CENPE: variants seen among roughly 807,000 people sequenced by gnomAD.
CENPE encodes the protein centromere protein E.
In CENPE, 145 loss-of-function variants were observed where a neutral mutation model predicts 336.1. The ratio of observed to expected loss-of-function variants is 0.43; its 90% CI spans 0.38 to 0.50. The LOEUF is 0.50. Among genes scored for constraint, CENPE ranks in the 20% least tolerant of loss-of-function variants. The pLI is 0.00. For synonymous variants in CENPE, 1,013 were observed against 984.8 expected (o/e 1.03, Z -0.54); for missense variants, 2,719 against 3,023.3 (o/e 0.90, Z 2.36).
intron 16 of CENPE, among the ~76,000 whole-genome samples, chr4:103,165,975 AGTGTGATACAT>A: frequency 6.6e-6 from 1 of 152,058 alleles, no homozygotes; most frequent in South Asian, 2.1e-4. Context: ...GAAAAACTGC[AGTGTGATACAT>A]GTCATATATT....
rs763618416 is a variant in CENPE, at chr4:103,143,202, TTTG to T, written c.5304+43_5304+45del. The T allele has an allele frequency of 6.4e-6, 9 of 1,398,360 alleles. No individual in the cohort carries two copies. In the African/African-American group the frequency reaches 1.3e-4, roughly 20 times the overall value. The allele number at this position is 1,398,360 out of a possible 1,614,324, so 86.6% of individuals were successfully genotyped here. A position where few individuals can be genotyped will look rare whatever the true frequency, so the allele number is the denominator to read the frequency against. On this transcript the variant is annotated intron_variant, in intron 34 of 48. Transcript: ENST00000265148. ...ATATCTTGTTTCATTACACAAAAAGTTTGATTCAAACTCTCAGTAACTGAGATA... is the reference window on the plus strand; with the variant it reads ...ATATCTTGTTTCATTACACAAAAAGTATTCAAACTCTCAGTAACTGAGATA...
At chr4:103,185,182 G>C (rs1335638772) in intron 9 of CENPE, among the ~76,000 whole-genome samples, 1 of 151,884 alleles carries the variant, frequency 6.6e-6, no homozygotes, top group Non-Finnish European at 1.5e-5. Context: ...GTGCATGTCT[G>C]TAATCCCAGC....
chr4:103,121,209 T>C (rs1023852248), intron 43 of CENPE, among the ~76,000 whole-genome samples: 1 of 152,220 alleles, frequency 6.6e-6, no homozygotes, highest in African/African-American at 2.4e-5. Context: ...TACATGAATA[T>C]ATAGTTTCTA....
intron 32 of CENPE, 29 bp from the exon 33 acceptor site, chr4:103,144,647 A>G (rs1460199124): frequency 6.7e-7 from 1 of 1,492,956 alleles, no homozygotes; most frequent in Non-Finnish European, 9.1e-7. Context: ...AAGTTACAAC[A>G]TAGGCAGAAT....
intron 39 of CENPE, 37 bp from the exon 40 acceptor site, chr4:103,136,396 T>A: frequency 7.2e-7 from 1 of 1,394,072 alleles, no homozygotes; most frequent in Non-Finnish European, 1.0e-6. Context: ...TTATAACAAT[T>A]CATTCTAATA....
intron 4 of CENPE, 120 bp from the exon 5 acceptor site, chr4:103,195,353 G>T: frequency 1.4e-6 from 1 of 703,970 alleles, no homozygotes; most frequent in Non-Finnish European, 2.2e-6. Context: ...AAACCCCTTG[G>T]TTCTACTGTT....
chr4:103,177,898 C>T (rs1267688917), intron 13 of CENPE, among the ~76,000 whole-genome samples: 1 of 151,978 alleles, frequency 6.6e-6, no homozygotes, highest in Non-Finnish European at 1.5e-5. Context: ...CACACCTGGA[C>T]CTTGTCATTA....
chr4:103,123,887 C>G (rs775159862), intron 42 of CENPE, among the ~76,000 whole-genome samples: 1 of 152,148 alleles, frequency 6.6e-6, no homozygotes, highest in African/African-American at 2.4e-5. Flanking sequence ...AAGACTATAT[C>G]AAAATGTCTA....
intron 12 of CENPE, among the ~76,000 whole-genome samples, 168 bp from the exon 13 acceptor site, chr4:103,180,637 T>C (rs1756252561): frequency 6.6e-6 from 1 of 152,226 alleles, no homozygotes; most frequent in Admixed American, 6.5e-5. Flanking sequence ...GCAGTTACCA[T>C]AATCAATAAT....
rs759730017 is a variant in CENPE, at chr4:103,139,952, T to C, written c.6041A>G (p.Gln2014Arg). The change falls in exon 38 of 49, where the codon CAA (glutamine) becomes CGA (arginine). Residue 2014 changes from glutamine (Q) to arginine (R), a missense_variant. Around this residue, in one of 5 missense-constraint regions of CENPE, gnomAD observed 2,437 missense variants for 2,513.3 expected, o/e 0.97. Coordinates refer to ENST00000265148, the MANE Select transcript of CENPE (RefSeq NM_001813.3). ...CTGGAAGTTATCCATTCTCACACTT[T>C]GCATAGATAAGTTTTGGGCCTCAAA... ...KQFEAQNLSM[Q>R]SVRMDNFQLT... is the part of the protein sequence containing the mutation. 7.9e-5 allele frequency: 127 copies of C among 1,613,320 alleles called. No homozygotes were observed. The highest frequency in any genetic ancestry group is 1.0e-4 in the Non-Finnish European group (122 of 1,179,660).
intron 34 of CENPE, among the ~76,000 whole-genome samples, chr4:103,142,405 T>C (rs1464028959): frequency 1.3e-5 from 2 of 152,222 alleles, no homozygotes; most frequent in Admixed American, 1.3e-4. Context: ...TAGTACTTGG[T>C]TCAAAGAAGG....
intron 16 of CENPE, among the ~76,000 whole-genome samples, chr4:103,168,557 T>C (rs1755120456): frequency 6.6e-6 from 1 of 152,200 alleles, no homozygotes; most frequent in East Asian, 1.9e-4. Flanking sequence ...CATAGCACAT[T>C]CTGAATTAAC....
At chr4:103,178,537 C>T (rs761247258) in intron 13 of CENPE, among the ~76,000 whole-genome samples, 34 of 152,184 alleles carry the variant, frequency 2.2e-4, no homozygotes, top group Non-Finnish European at 3.5e-4. Context: ...CTATGTTAGT[C>T]CAATTCTTTC....
At chr4:103,172,789 T>C (rs1176181762) in intron 16 of CENPE, among the ~76,000 whole-genome samples, 1 of 151,886 alleles carries the variant, frequency 6.6e-6, no homozygotes, top group East Asian at 1.9e-4. Flanking sequence ...TATCTCTATA[T>C]GTTAATGGCA....
chr4:103,189,364 CT>C (rs1368332473), intron 8 of CENPE, among the ~76,000 whole-genome samples: 4 of 152,122 alleles, frequency 2.6e-5, no homozygotes, highest in Non-Finnish European at 5.9e-5. Flanking sequence ...ACCAATACCC[CT>C]GATGAACATC....
intron 13 of CENPE, 142 bp downstream of exon 13, chr4:103,180,169 G>C (rs1314458342): frequency 1.7e-6 from 1 of 582,744 alleles, no homozygotes; most frequent in African/African-American, 1.9e-5. Context: ...GAATCTCTTA[G>C]GTACTATGAA....
At chr4:103,163,093 T>C in intron 18 of CENPE, 44 bp downstream of exon 18, 1 of 1,543,472 alleles carries the variant, frequency 6.5e-7, no homozygotes, top group Non-Finnish European at 8.8e-7. Context: ...TGGTATGCTA[T>C]ATATATTTAT....
In CENPE at chr4:103,161,207, C is replaced by T; in HGVS notation, c.2010G>A (p.Gln670=). ...TTGCCTCCAACTGGCTTTGATATAA[C>T]TGAATATCATTTTCCATTTGCTTGT... is the stretch of plus-strand genomic sequence containing the variant. The part of the protein sequence containing the change: ...TTYKQMENDI[Q]LYQSQLEAKK... Residue 670 remains glutamine (Q), a synonymous_variant, in exon 20 of 49, where the codon CAG becomes CAA. Coordinates refer to ENST00000265148, the MANE Select transcript of CENPE (RefSeq NM_001813.3). 6.2e-7 allele frequency: 1 copy of T among 1,610,272 alleles called. No individual in the cohort carries two copies. The highest frequency in any genetic ancestry group is 8.5e-7 in the Non-Finnish European group (1 of 1,178,650).
intron 45 of CENPE, among the ~76,000 whole-genome samples, chr4:103,115,482 A>G (rs879280828): frequency 6.6e-6 from 1 of 152,158 alleles, no homozygotes; most frequent in Admixed American, 6.5e-5. Context: ...TTAAGAATCT[A>G]ATAGATCTAT....
Sources: allele counts gnomAD v4.1 joint callset (sites outside exome capture counted in the v4.1 genomes callset), GRCh38; gene constraint gnomAD v4.1.1; regional missense constraint gnomAD v4.1.1; transcripts MANE v1.5; gene names NCBI Gene and HGNC (gene_info 2026-07-23, HGNC 2026-07-21).